Variants in ZNF778 observed in about 807,000 individuals in gnomAD.
ZNF778 encodes zinc finger protein 778.
In ZNF778, 37 loss-of-function variants were observed where a neutral mutation model predicts 23.9. The ratio of observed to expected loss-of-function variants is 1.54; its 90% CI spans 1.19 to 2.03. The LOEUF is 2.03. Ranked by LOEUF, ZNF778 falls within the 30% of genes most tolerant of loss-of-function variation. The probability of loss-of-function intolerance (pLI) is 0.00; values close to 1 mark genes in which losing one functional copy is unlikely to be tolerated. For missense variants in ZNF778, 1,297 were observed against 934.4 expected (o/e 1.39, Z -5.06); for synonymous variants, 483 against 343.9 (o/e 1.40, Z -4.48).
chr16:89,225,716 G>C, intron 6 of ZNF778, 85 bp downstream of exon 6: 1 of 1,230,818 alleles, frequency 8.1e-7, no homozygotes, highest in Non-Finnish European at 1.2e-6. Flanking sequence ...AAAATTGAGA[G>C]AATTTAGAGA....
In ZNF778 at chr16:89,228,932, C is replaced by T. The variant is rs2031745233; in HGVS notation, c.*370C>T. ...TTTTTTACATTACATCTTTCCTCAC[C>T]CTTTAGTAAACGTGGTGATTGACAC... On this transcript the variant is annotated 3_prime_UTR_variant, in exon 7 of 7. Transcript: ENST00000433976. 5.0e-6 allele frequency: 5 copies of T among 1,004,402 alleles called. No homozygotes were observed. Among genetic ancestry groups the T allele is most frequent in the South Asian group, 4.5e-5 (1 of 22,338 alleles). The allele number at this position is 1,004,402 out of a possible 1,614,324, so 62.2% of individuals were successfully genotyped here. A position where few individuals can be genotyped will look rare whatever the true frequency, so the allele number is the denominator to read the frequency against.
At position 89,233,621 on chromosome 16, in the gene ZNF778, TCA is replaced by T. The variant is rs147567597; in HGVS notation, c.*5063_*5064del. On this transcript the variant is annotated 3_prime_UTR_variant, in exon 7 of 7. Coordinates refer to ENST00000433976, the MANE Select transcript of ZNF778 (RefSeq NM_001201407.2). Reference sequence around the variant, plus strand: ...ACTCATACTGCATATGCAACTCAACTCACACTGTATGCAACTCAGCTCGCTCT... The same window carrying T: ...ACTCATACTGCATATGCAACTCAACTCACTGTATGCAACTCAGCTCGCTCT... 0.048 allele frequency: 54,519 copies of T among 1,130,442 alleles called. 1,686 individuals are homozygous for T. The highest frequency in any genetic ancestry group is 0.2 in the East Asian group (3,211 of 16,396). 70.0% of individuals were successfully genotyped at this position (1,130,442 alleles called of 1,614,324 possible). A position where few individuals can be genotyped will look rare whatever the true frequency, so the allele number is the denominator to read the frequency against.
chr16:89,222,261 T>A, intron 3 of ZNF778, 78 bp downstream of exon 3: 8 of 1,113,734 alleles, frequency 7.2e-6, no homozygotes, highest in Non-Finnish European at 1.0e-5. Context: ...TGAGCAGACT[T>A]GTCTGCACAG....
rs2031701825 is a variant in ZNF778 at position 89,228,430 on chromosome 16, T to C, written c.2142T>C (p.Tyr714=). The C allele has an allele frequency of 6.2e-7, 1 of 1,613,878 alleles. No homozygotes were observed. The highest frequency in any genetic ancestry group is 1.1e-5 in the South Asian group (1 of 91,078). Reference sequence around the variant, plus strand: ...GTGGGAAAGCATACAATAGGTTTTATCTACTAAAAGAACATTTAAAAACTT... The same window carrying C: ...GTGGGAAAGCATACAATAGGTTTTACCTACTAAAAGAACATTTAAAAACTT... The part of the protein sequence containing the change: ...KECGKAYNRF[Y]LLKEHLKTYT... The change falls in exon 7 of 7, where the codon TAT becomes TAC. Residue 714 remains tyrosine (Y), a synonymous_variant. Coordinates refer to ENST00000433976, the MANE Select transcript of ZNF778 (RefSeq NM_001201407.2).
At position 89,234,746 on chromosome 16, in the gene ZNF778, T is replaced by C. The variant is rs2032189664; in HGVS notation, c.*6184T>C. The C allele has an allele frequency of 3.3e-5, 5 of 152,422 alleles. No individual in the cohort carries two copies. Among genetic ancestry groups the C allele is most frequent in the Admixed American group, 3.3e-4 (5 of 15,280 alleles). 9.4% of individuals were successfully genotyped at this position (152,422 alleles called of 1,614,324 possible). On this transcript the variant is annotated 3_prime_UTR_variant, in exon 7 of 7. Transcript: ENST00000433976. ...TCCTGGCCAACATGGTGAAACGCCA[T>C]CTCTACTAAAAATAGAAAAATTGGC...
In ZNF778 at chr16:89,233,796, A is replaced by C. The variant is rs1423041314; in HGVS notation, c.*5234A>C. Reference sequence around the variant, plus strand: ...TCAACTCGCACTGCGTATGCAACTCAGCTCGCACTGCGTATGCAACTCAAC... The same window carrying C: ...TCAACTCGCACTGCGTATGCAACTCCGCTCGCACTGCGTATGCAACTCAAC... On this transcript the variant is annotated 3_prime_UTR_variant, in exon 7 of 7. Transcript: ENST00000433976. The C allele has an allele frequency of 1.6e-6, 2 of 1,268,386 alleles. No individual in the cohort carries two copies. Among genetic ancestry groups the C allele is most frequent in the East Asian group, 5.7e-5 (1 of 17,670 alleles). 78.6% of individuals were successfully genotyped at this position (1,268,386 alleles called of 1,614,324 possible).
intron 5 of ZNF778, among the ~76,000 whole-genome samples, chr16:89,225,236 C>T (rs931478879): frequency 3.3e-5 from 5 of 150,886 alleles, no homozygotes; most frequent in Admixed American, 2.7e-4. Context: ...CTGCCTCAGC[C>T]TCCTGAGTAG....
chr16:89,219,457 G>T (rs2030702042), intron 1 of ZNF778, among the ~76,000 whole-genome samples: 1 of 152,224 alleles, frequency 6.6e-6, no homozygotes, highest in South Asian at 2.1e-4. Context: ...GCTGAGTTCA[G>T]CCTTAGTCAC....
chr16:89,218,465 A>G (rs117159335), intron 1 of ZNF778, among the ~76,000 whole-genome samples: 11,577 of 152,340 alleles, frequency 0.076, 561 homozygotes, highest in Non-Finnish European at 0.11. Flanking sequence ...ACATTATCCT[A>G]CTGAAACCAC....
rs560431791 is a variant in ZNF778 at position 89,234,647 on chromosome 16, G to A, written c.*6085G>A. ...AAGGAAAAAGATTGTGCCAGGTGTG[G>A]TGGCTCAGGCCTGTAATCCCAACAC... On this transcript the variant is annotated 3_prime_UTR_variant, in exon 7 of 7. Transcript: ENST00000433976. The A allele has an allele frequency of 6.3e-6, 1 of 158,032 alleles. No homozygotes were observed. The highest frequency in any genetic ancestry group is 1.9e-4 in the South Asian group (1 of 5,360). 9.8% of individuals were successfully genotyped at this position (158,032 alleles called of 1,614,324 possible). A position where few individuals can be genotyped will look rare whatever the true frequency, so the allele number is the denominator to read the frequency against.
At chr16:89,222,867 T>C (rs1448533179) in intron 3 of ZNF778, among the ~76,000 whole-genome samples, 1 of 151,542 alleles carries the variant, frequency 6.6e-6, no homozygotes, top group East Asian at 2.0e-4. Context: ...GAAGCTCACA[T>C]GTTAGAGGTG....
At chr16:89,226,485 A>G (rs1172970784) in intron 6 of ZNF778, among the ~76,000 whole-genome samples, 1 of 152,204 alleles carries the variant, frequency 6.6e-6, no homozygotes, top group African/African-American at 2.4e-5. Flanking sequence ...GATTACAGGC[A>G]TGAGCTGCTG....
At position 89,227,622 on chromosome 16, in the gene ZNF778, G is replaced by A; in HGVS notation, c.1334G>A (p.Gly445Asp). The A allele has an allele frequency of 2.5e-6, 4 of 1,614,090 alleles. No individual in the cohort carries two copies. The highest frequency in any genetic ancestry group is 3.4e-6 in the Non-Finnish European group (4 of 1,179,966). ...ACTAGACACGTACGAACACACACGGGCGAGAAGCCATACACGTGTAAGGAC... is the reference window on the plus strand; with the variant it reads ...ACTAGACACGTACGAACACACACGGACGAGAAGCCATACACGTGTAAGGAC... Reference protein sequence around the residue: ...GLTRHVRTHTGEKPYTCKDCG... With the variant: ...GLTRHVRTHTDEKPYTCKDCG... Residue 445 changes from glycine (G) to aspartate (D), a missense_variant, in exon 7 of 7, where the codon GGC (glycine) becomes GAC (aspartate). Coordinates refer to ENST00000433976, the MANE Select transcript of ZNF778 (RefSeq NM_001201407.2).
Position 89,226,854 on chromosome 16 carries a change from C to G in ZNF778, c.566C>G (p.Thr189Ser), listed in dbSNP as rs2151635117. 6.2e-7 allele frequency: 1 copy of G among 1,613,980 alleles called. No homozygotes were observed. The highest frequency in any genetic ancestry group is 1.3e-5 in the African/African-American group (1 of 75,030). Reference sequence around the variant, plus strand: ...GACTTTTTTATTCCATGCCAGAAAACCTTGTTCAAAATTGGAGAGCAGTTT... The same window carrying G: ...GACTTTTTTATTCCATGCCAGAAAAGCTTGTTCAAAATTGGAGAGCAGTTT... ...ERDFFIPCQKTLFKIGEQFSV... is the reference protein window; with the variant it reads ...ERDFFIPCQKSLFKIGEQFSV... The change falls in exon 7 of 7, where the codon ACC becomes AGC. Residue 189 changes from threonine to serine, a missense_variant. Coordinates refer to ENST00000433976, the MANE Select transcript of ZNF778 (RefSeq NM_001201407.2).
chr16:89,226,788 A>G lies in ZNF778; in HGVS notation c.500A>G (p.Gln167Arg). The change falls in exon 7 of 7, where the codon CAA (glutamine) becomes CGA (arginine). Residue 167 changes from glutamine to arginine, a missense_variant. Transcript: ENST00000433976. Reference sequence around the variant, plus strand: ...GGCCTCAGCACACACGTGAGAACTCAAAATACAGGAGACAGTTGTGTGTCT... The same window carrying G: ...GGCCTCAGCACACACGTGAGAACTCGAAATACAGGAGACAGTTGTGTGTCT... ...HSGLSTHVRT[Q>R]NTGDSCVSNH... is the part of the protein sequence containing the mutation. 2 of 1,614,020 alleles carry G rather than the reference A, an allele frequency of 1.2e-6. No individual in the cohort carries two copies. The highest frequency in any genetic ancestry group is 1.1e-5 in the South Asian group (1 of 91,074).
At chr16:89,223,310 T>C in intron 4 of ZNF778, 27 bp downstream of exon 4, 1 of 1,612,852 alleles carries the variant, frequency 6.2e-7, no homozygotes, top group East Asian at 2.2e-5. Context: ...CCTTTGCAAC[T>C]TCTGTGGAAC....
chr16:89,224,241 C>T (rs372866397), intron 4 of ZNF778, among the ~76,000 whole-genome samples: 5 of 151,870 alleles, frequency 3.3e-5, no homozygotes, highest in Admixed American at 6.5e-5. Flanking sequence ...AATCCCAGCA[C>T]TCTGGGATGC....
At position 89,229,283 on chromosome 16, in the gene ZNF778, T is replaced by G. The variant is rs952918173; in HGVS notation, c.*721T>G. The G allele has an allele frequency of 1.0e-6, 1 of 985,416 alleles. No individual in the cohort carries two copies. Among genetic ancestry groups the G allele is most frequent in the African/African-American group, 1.7e-5 (1 of 57,164 alleles). 61.0% of individuals were successfully genotyped at this position (985,416 alleles called of 1,614,324 possible). On this transcript the variant is annotated 3_prime_UTR_variant, in exon 7 of 7. Transcript: ENST00000433976. ...CAGCGTAGGCTCTGGTTGGTTAGTC[T>G]TGAGGATCCAGATGTGATTCTGTGA...
intron 4 of ZNF778, among the ~76,000 whole-genome samples, 173 bp downstream of exon 4, chr16:89,223,456 C>T (rs187798159): frequency 6.6e-6 from 1 of 152,302 alleles, no homozygotes; most frequent in East Asian, 1.9e-4. Flanking sequence ...GTCCTGGGGT[C>T]ATGAGCATCA....
Sources: gnomAD v4.1 joint callset for allele counts (sites outside exome capture counted in the v4.1 genomes callset) on GRCh38, gnomAD v4.1.1 for gene constraint, MANE v1.5 for transcripts, NCBI Gene and HGNC (gene_info 2026-07-23, HGNC 2026-07-21) for gene names.